The following PLCG1 variants were observed in gnomAD, a reference collection of about 807,000 sequenced individuals.
The protein encoded by PLCG1 is phospholipase C gamma 1.
In PLCG1, 71 loss-of-function variants were observed where a neutral mutation model predicts 177.8. The ratio of observed to expected loss-of-function variants is 0.40; its 90% CI spans 0.33 to 0.49. The LOEUF is 0.49. Ranked by LOEUF, PLCG1 falls within the 20% of genes least tolerant of loss-of-function variation. PLCG1 has a pLI of 0.72. For missense variants in PLCG1, 1,281 were observed against 1,709.0 expected (o/e 0.75, Z 4.42); for synonymous variants, 658 against 647.9 (o/e 1.02, Z -0.24).
In PLCG1 at chr20:41,151,614, T is replaced by C. The variant is rs143507781; in HGVS notation, c.218-7992T>C. Among the ~76,000 whole-genome samples, 10 of 152,266 alleles carry C rather than the reference T, an allele frequency of 6.6e-5. No individual in the cohort carries two copies. In the East Asian group the frequency reaches 1.9e-3, roughly 29 times the overall value. ...CAGGGAAACCTCAGATTTGTGAGTATGTTTCTACTGAGAGGCAGGAGGAGG... is the reference window on the plus strand; with the variant it reads ...CAGGGAAACCTCAGATTTGTGAGTACGTTTCTACTGAGAGGCAGGAGGAGG... On this transcript the variant is annotated intron_variant, in intron 1 of 31. Coordinates refer to ENST00000685551, the MANE Select transcript of PLCG1 (RefSeq NM_002660.3). The surrounding 1 kb of genome is among the most constrained non-coding windows in gnomAD (Gnocchi z 5.5).
Position 41,166,309 on chromosome 20 carries a change from T to C in PLCG1, c.1915T>C (p.Tyr639His). The C allele has an allele frequency of 1.9e-6, 3 of 1,614,116 alleles. No homozygotes were observed. The highest frequency in any genetic ancestry group is 1.7e-6 in the Non-Finnish European group (2 of 1,179,982). ...FDSLYDLITH[Y>H]QQVPLRCNEF... ...CTCCCTCTATGACCTCATCACGCACTACCAGCAGGTGCCCCTGCGCTGTAA... is the reference window on the plus strand; with the variant it reads ...CTCCCTCTATGACCTCATCACGCACCACCAGCAGGTGCCCCTGCGCTGTAA... The change falls in exon 17 of 32, where the codon TAC becomes CAC. Residue 639 changes from tyrosine (Y) to histidine (H), a missense_variant. Coordinates refer to ENST00000685551, the MANE Select transcript of PLCG1 (RefSeq NM_002660.3). The surrounding 1 kb of genome is among the most constrained non-coding windows in gnomAD (Gnocchi z 8.6).
In PLCG1 at chr20:41,168,646, C is replaced by T. The variant is rs528019980; in HGVS notation, c.2380-121C>T. On this transcript the variant is annotated intron_variant, in intron 20 of 31. Coordinates refer to ENST00000685551, the MANE Select transcript of PLCG1 (RefSeq NM_002660.3). ...TAGGGCCTGTTGATGGCAGTGTCAT[C>T]TCCCACTGGCCTGACCCCAGGCAGG... is the stretch of plus-strand genomic sequence containing the variant. 19 of 652,338 alleles carry T rather than the reference C, an allele frequency of 2.9e-5. No individual in the cohort carries two copies. The East Asian group carries it at 4.7e-4, about 16-fold the overall frequency. The allele number at this position is 652,338 out of a possible 1,614,324, so 40.4% of individuals were successfully genotyped here. A position where few individuals can be genotyped will look rare whatever the true frequency, so the allele number is the denominator to read the frequency against.
chr20:41,161,260 C>T (rs6016520), intron 4 of PLCG1, among the ~76,000 whole-genome samples: 2 of 152,220 alleles, frequency 1.3e-5, no homozygotes, highest in Non-Finnish European at 1.5e-5. Flanking sequence ...GAAATCTGAC[C>T]GTTGACCCTT....
In PLCG1 at chr20:41,163,727, C is replaced by T. The variant is rs760820977; in HGVS notation, c.904C>T (p.Leu302=). 5 of 1,608,668 alleles carry T rather than the reference C, an allele frequency of 3.1e-6. No individual in the cohort carries two copies. The highest frequency in any genetic ancestry group is 3.4e-6 in the Non-Finnish European group (4 of 1,175,006). The change falls in exon 10 of 32, where the codon CTG becomes TTG. Residue 302 remains leucine (L), a synonymous_variant. Coordinates refer to ENST00000685551, the MANE Select transcript of PLCG1 (RefSeq NM_002660.3). This position sits in a 1 kb window ranked among gnomAD's most constrained non-coding sequence, Gnocchi z 5.2. The stretch of plus-strand genomic sequence containing the variant: ...TGTTTCTGGACAGTTTGTCACCTTC[C>T]TGTTCTCCAAAGAGAACAGTGTGTG... ...YFFLDEFVTF[L]FSKENSVWNS... is the part of the protein sequence containing the mutation.
rs2036063556 is a variant in PLCG1, at chr20:41,176,252, G to C, written c.*1743G>C. ...GGTTCCGTGGATGACATGAACTGAT[G>C]ATAGCCAGTATCAAACAGCGATAGT... On this transcript the variant is annotated 3_prime_UTR_variant, in exon 32 of 32. Transcript: ENST00000685551. 1 of 148,386 alleles carries C rather than the reference G, an allele frequency of 6.7e-6. No homozygotes were observed. Among genetic ancestry groups the C allele is most frequent in the Admixed American group, 6.7e-5 (1 of 14,874 alleles). 9.2% of individuals were successfully genotyped at this position (148,386 alleles called of 1,614,324 possible).
chr20:41,152,660 C>T (rs1466163315), intron 1 of PLCG1, among the ~76,000 whole-genome samples: 3 of 152,276 alleles, frequency 2.0e-5, no homozygotes, highest in Admixed American at 1.3e-4. Context: ...CTTAAGTACT[C>T]TGAACATTTT....
In PLCG1 at chr20:41,173,277, C is replaced by G. The variant is rs183196982; in HGVS notation, c.3280-143C>G. On this transcript the variant is annotated intron_variant, in intron 27 of 31. Transcript: ENST00000685551. This position sits in a 1 kb window ranked among gnomAD's most constrained non-coding sequence, Gnocchi z 6.2. ...CTGGACAGCTTAGGGTCCCTGATGT[C>G]GTGAGGGACTCCATGGGCAGTGTCC... is the stretch of plus-strand genomic sequence containing the variant. 1,648 of 812,472 alleles carry G rather than the reference C, an allele frequency of 2.0e-3. 17 individuals are homozygous for G. Among genetic ancestry groups the G allele is most frequent in the South Asian group, 6.7e-3 (360 of 53,890 alleles). 50.3% of individuals were successfully genotyped at this position (812,472 alleles called of 1,614,324 possible).
intron 1 of PLCG1, among the ~76,000 whole-genome samples, chr20:41,138,985 G>T (rs2034718886): frequency 6.6e-6 from 1 of 152,188 alleles, no homozygotes; most frequent in Non-Finnish European, 1.5e-5. Context: ...TAGGGTTAGA[G>T]AGACCCAGGC....
Position 41,153,673 on chromosome 20 carries a change from A to G in PLCG1, c.218-5933A>G, listed in dbSNP as rs1457032782. ...GCACTTTGGGAGGCCGAGGCAGGCG[A>G]ATCACTGGAGGTCAGGAGTTTGAGA... On this transcript the variant is annotated intron_variant, in intron 1 of 31. Coordinates refer to ENST00000685551, the MANE Select transcript of PLCG1 (RefSeq NM_002660.3). This position sits in a 1 kb window ranked among gnomAD's most constrained non-coding sequence, Gnocchi z 5.1. Among the ~76,000 whole-genome samples the G allele has an allele frequency of 6.6e-6, 1 of 152,170 alleles. No individual in the cohort carries two copies. The highest frequency in any genetic ancestry group is 2.4e-5 in the African/African-American group (1 of 41,440).
chr20:41,171,706 G>A (rs1044596709), intron 24 of PLCG1, among the ~76,000 whole-genome samples: 1 of 152,126 alleles, frequency 6.6e-6, no homozygotes, highest in African/African-American at 2.4e-5. Flanking sequence ...TGAAGAGTGG[G>A]TGGTTATATT....
chr20:41,167,024 C>CT lies in PLCG1; in HGVS notation c.2301+166dup, dbSNP rs2146047785. ...CACAGTGTGGGTACCAGGAGGGTGTCTGCAGGAGGGGACATCTGAGCAGCA... is the reference window on the plus strand; with the variant it reads ...CACAGTGTGGGTACCAGGAGGGTGTCTTGCAGGAGGGGACATCTGAGCAGCA... On this transcript the variant is annotated intron_variant, in intron 19 of 31. Transcript: ENST00000685551. This position sits in a 1 kb window ranked among gnomAD's most constrained non-coding sequence, Gnocchi z 4.4. 3 of 652,938 alleles carry CT rather than the reference C, an allele frequency of 4.6e-6. No homozygotes were observed. The highest frequency in any genetic ancestry group is 4.1e-4 in the Middle Eastern group (1 of 2,428). 40.4% of individuals were successfully genotyped at this position (652,938 alleles called of 1,614,324 possible).
At chr20:41,138,979 G>T (rs576643616) in intron 1 of PLCG1, among the ~76,000 whole-genome samples, 3 of 152,306 alleles carry the variant, frequency 2.0e-5, no homozygotes, top group Non-Finnish European at 2.9e-5. Flanking sequence ...GGAGACTAGG[G>T]TTAGAGAGAC....
rs917443639 is a variant in PLCG1 at position 41,144,318 on chromosome 20, G to A, written c.217+6460G>A. On this transcript the variant is annotated intron_variant, in intron 1 of 31. Coordinates refer to ENST00000685551, the MANE Select transcript of PLCG1 (RefSeq NM_002660.3). This position sits in a 1 kb window ranked among gnomAD's most constrained non-coding sequence, Gnocchi z 4.1. ...GGGGAAAATGATAATAGGATGGACC[G>A]TTCTATAGGAACAGAGGGTTATTTT... Among the ~76,000 whole-genome samples the A allele has an allele frequency of 3.3e-5, 5 of 152,200 alleles. No individual in the cohort carries two copies. Among genetic ancestry groups the A allele is most frequent in the Non-Finnish European group, 5.9e-5 (4 of 68,030 alleles).
At position 41,167,086 on chromosome 20, in the gene PLCG1, T is replaced by C. The variant is rs180861448; in HGVS notation, c.2301+227T>C. On this transcript the variant is annotated intron_variant, in intron 19 of 31. Transcript: ENST00000685551. The surrounding 1 kb of genome is among the most constrained non-coding windows in gnomAD (Gnocchi z 4.4). ...GGGGACAGGCACATAAGCAGAGGGT[T>C]CCTCATGAGTCAAGATGTGGAGTGA... Among the ~76,000 whole-genome samples the C allele has an allele frequency of 1.8e-4, 27 of 152,216 alleles. No homozygotes were observed. Among genetic ancestry groups the C allele is most frequent in the Admixed American group, 1.7e-3 (26 of 15,298 alleles).
chr20:41,162,307 A>C (rs1600658511), intron 4 of PLCG1, 145 bp from the exon 5 acceptor site: 3 of 415,038 alleles, frequency 7.2e-6, no homozygotes, highest in Non-Finnish European at 1.3e-5. Flanking sequence ...ACCTCACCCC[A>C]TGGGTTCTGA....
Position 41,176,607 on chromosome 20 carries a change from C to T in PLCG1, c.*2098C>T, listed in dbSNP as rs190546661. 2.0e-5 allele frequency: 3 copies of T among 152,362 alleles called. No homozygotes were observed. Among genetic ancestry groups the T allele is most frequent in the Admixed American group, 2.0e-4 (3 of 15,306 alleles). The allele number at this position is 152,362 out of a possible 1,614,324, so 9.4% of individuals were successfully genotyped here. On this transcript the variant is annotated 3_prime_UTR_variant, in exon 32 of 32. Coordinates refer to ENST00000685551, the MANE Select transcript of PLCG1 (RefSeq NM_002660.3). The stretch of plus-strand genomic sequence containing the variant: ...TCTGGAACACAACCTGGGGAACAGA[C>T]AGCTCTGCCTTTCTTAAGGCAGCTT...
chr20:41,142,438 TG>T (rs1020003246), intron 1 of PLCG1, among the ~76,000 whole-genome samples: 2 of 152,154 alleles, frequency 1.3e-5, no homozygotes, highest in African/African-American at 4.8e-5. Flanking sequence ...GAGACCACAG[TG>T]GCAGTGGTTT....
In PLCG1 at chr20:41,153,463, T is replaced by G; in HGVS notation, c.218-6143T>G. Among the ~76,000 whole-genome samples the G allele has an allele frequency of 6.6e-6, 1 of 152,286 alleles. No homozygotes were observed. The highest frequency in any genetic ancestry group is 3.4e-3 in the Middle Eastern group (1 of 294). Reference sequence around the variant, plus strand: ...GTGCTACCATGTCTAGCTAAGTTTTTTTAATTTTTATTTTTTGCAGAGGTG... The same window carrying G: ...GTGCTACCATGTCTAGCTAAGTTTTGTTAATTTTTATTTTTTGCAGAGGTG... On this transcript the variant is annotated intron_variant, in intron 1 of 31. Coordinates refer to ENST00000685551, the MANE Select transcript of PLCG1 (RefSeq NM_002660.3). The surrounding 1 kb of genome is among the most constrained non-coding windows in gnomAD (Gnocchi z 5.1).
At position 41,167,954 on chromosome 20, in the gene PLCG1, G is replaced by A. The variant is rs202107701; in HGVS notation, c.2379+25G>A. 1.3e-6 allele frequency: 2 copies of A among 1,536,076 alleles called. No individual in the cohort carries two copies. Among genetic ancestry groups the A allele is most frequent in the Non-Finnish European group, 1.8e-6 (2 of 1,109,536 alleles). On this transcript the variant is annotated intron_variant, in intron 20 of 31. Coordinates refer to ENST00000685551, the MANE Select transcript of PLCG1 (RefSeq NM_002660.3). The surrounding 1 kb of genome is among the most constrained non-coding windows in gnomAD (Gnocchi z 4.4). ...GGTACAGCTCAGGCCTCTGGGCATA[G>A]GAAGCTGGGGAGGGTCCCCAGCTGC...
Sources: allele counts gnomAD v4.1 joint callset (sites outside exome capture counted in the v4.1 genomes callset), GRCh38; gene constraint gnomAD v4.1.1; non-coding constraint Gnocchi (gnomAD v3.1); transcripts MANE v1.5; gene names NCBI Gene and HGNC (gene_info 2026-07-23, HGNC 2026-07-21).